Variants in SEZ6L2 observed in about 807,000 individuals in gnomAD.
The protein encoded by SEZ6L2 is seizure related 6 homolog like 2.
SEZ6L2 carries 44 observed loss-of-function variants against 97.0 expected under a neutral mutation model. The ratio of observed to expected loss-of-function variants is 0.45; its 90% CI spans 0.36 to 0.58. The LOEUF is 0.58. SEZ6L2 is among the 20% of genes least tolerant of loss of function. The pLI, the probability that SEZ6L2 is intolerant of heterozygous loss-of-function variation, is 0.00. For missense variants in SEZ6L2, 1,086 were observed against 1,233.3 expected, an observed-to-expected ratio of 0.88 and a Z score of 1.79; for synonymous variants, 543 against 546.1, an observed-to-expected ratio of 0.99 and a Z score of 0.08.
In SEZ6L2 at chr16:29,899,518, C is replaced by A; in HGVS notation, c.-499G>T. 1 of 157,040 alleles carries A rather than the reference C, an allele frequency of 6.4e-6. No homozygotes were observed. The highest frequency in any genetic ancestry group is 1.4e-5 in the Non-Finnish European group (1 of 71,382). 9.7% of individuals were successfully genotyped at this position (157,040 alleles called of 1,614,324 possible). On this transcript the variant is annotated 5_prime_UTR_variant, in exon 1 of 18. Coordinates refer to ENST00000617533, the MANE Select transcript of SEZ6L2 (RefSeq NM_001243332.2). Reference sequence around the variant, plus strand: ...TTGGGGAACTGGGAGAGCCGAAGCTCGGGCACTGGAGCTGCGGGAGGGAGA... The same window carrying A: ...TTGGGGAACTGGGAGAGCCGAAGCTAGGGCACTGGAGCTGCGGGAGGGAGA...
intron 17 of SEZ6L2, 45 bp downstream of exon 17, chr16:29,872,142 G>T: frequency 6.9e-7 from 1 of 1,447,986 alleles, no homozygotes; most frequent in Non-Finnish European, 9.4e-7. Flanking sequence ...ATGGAGTCCT[G>T]GGAGAGCCAA....
At chr16:29,884,220 G>C (rs537417429) in intron 8 of SEZ6L2, among the ~76,000 whole-genome samples, 1 of 152,258 alleles carries the variant, frequency 6.6e-6, no homozygotes, top group East Asian at 1.9e-4. Context: ...ATCTTAGTCA[G>C]GTCAATGAAC....
At chr16:29,872,045 G>GCT in intron 17 of SEZ6L2, 142 bp downstream of exon 17, 1 of 687,480 alleles carries the variant, frequency 1.5e-6, no homozygotes, top group Non-Finnish European at 2.4e-6. Context: ...TATACACATG[G>GCT]CTTGCTATGC....
chr16:29,878,516 C>CG, intron 9 of SEZ6L2, 91 bp from the exon 10 acceptor site: 1 of 1,042,788 alleles, frequency 9.6e-7, no homozygotes, highest in Non-Finnish European at 1.3e-6. Context: ...GCGTGCACCA[C>CG]ATCACCTCGC....
chr16:29,872,141 TG>T, intron 17 of SEZ6L2, 45 bp downstream of exon 17: 1 of 1,448,626 alleles, frequency 6.9e-7, no homozygotes, highest in Non-Finnish European at 9.4e-7. Flanking sequence ...TATGGAGTCC[TG>T]GGAGAGCCAA....
intron 8 of SEZ6L2, among the ~76,000 whole-genome samples, chr16:29,880,914 C>T (rs1027132110): frequency 6.6e-6 from 1 of 151,584 alleles, no homozygotes; most frequent in Non-Finnish European, 1.5e-5. Flanking sequence ...AGCATGCACA[C>T]CCCACCCAGC....
At chr16:29,882,009 C>A (rs967000835) in intron 8 of SEZ6L2, among the ~76,000 whole-genome samples, 20 of 135,536 alleles carry the variant, frequency 1.5e-4, no homozygotes, top group African/African-American at 5.6e-4. Flanking sequence ...CTCGCTCTGT[C>A]GCCCAGGCTG....
intron 8 of SEZ6L2, 106 bp from the exon 9 acceptor site, chr16:29,880,170 T>G: frequency 4.1e-6 from 1 of 242,084 alleles, no homozygotes. Context: ...CTCACTGGGC[T>G]TTTTTTTTTT....
intron 3 of SEZ6L2, 150 bp downstream of exon 3, chr16:29,896,672 A>C: frequency 1.5e-6 from 1 of 674,608 alleles, no homozygotes; most frequent in Non-Finnish European, 2.6e-6. Flanking sequence ...CCTGGTACAT[A>C]GTAAGGGTAC....
At chr16:29,889,960 G>A (rs1456260917) in intron 5 of SEZ6L2, among the ~76,000 whole-genome samples, 1 of 152,018 alleles carries the variant, frequency 6.6e-6, no homozygotes, top group Non-Finnish European at 1.5e-5. Flanking sequence ...CCAGGCTGGA[G>A]TGCATTGGCG....
intron 8 of SEZ6L2, 34 bp downstream of exon 8, chr16:29,885,552 C>A: frequency 6.3e-7 from 1 of 1,597,018 alleles, no homozygotes; most frequent in South Asian, 1.1e-5. Context: ...GAAGGTGTGG[C>A]GGTTGGGGTC....
In SEZ6L2 at chr16:29,897,040, G is replaced by T. The variant is rs759319480; in HGVS notation, c.293C>A (p.Pro98Gln). ...AVPSLPRATE[P>Q]GTGPLTTAVT... The stretch of plus-strand genomic sequence containing the variant: ...GGCTGTTGTCAGAGGCCCTGTCCCC[G>T]GCTCAGTGGCCCGTGGCAGGGAGGG... The change falls in exon 3 of 18, where the codon CCG becomes CAG. Residue 98 changes from proline (P) to glutamine (Q), a missense_variant. Physicochemically the swap from Pro to Gln is moderately conservative, Grantham distance 76. Transcript: ENST00000617533. 17 of 1,580,610 alleles carry T rather than the reference G, an allele frequency of 1.1e-5. No individual in the cohort carries two copies. Among genetic ancestry groups the T allele is most frequent in the Non-Finnish European group, 1.4e-5 (16 of 1,170,056 alleles).
intron 2 of SEZ6L2, among the ~76,000 whole-genome samples, 156 bp from the exon 3 acceptor site, chr16:29,897,277 C>G (rs1288545614): frequency 6.7e-6 from 1 of 149,010 alleles, no homozygotes; most frequent in Non-Finnish European, 1.5e-5. Context: ...CCCACCCCAG[C>G]CCCTACCTCC....
In SEZ6L2 at chr16:29,889,637, T is replaced by C. The variant is rs866201497; in HGVS notation, c.854-912A>G. ...TTCTTTTTTTTTTTTTTTTTTTTTT[T>C]TTTTTTTTGAGATAGGGTCTCACTG... On this transcript the variant is annotated intron_variant, in intron 5 of 17. Coordinates refer to ENST00000617533, the MANE Select transcript of SEZ6L2 (RefSeq NM_001243332.2). Among the ~76,000 whole-genome samples, 2,412 of 122,950 alleles carry C rather than the reference T, an allele frequency of 0.02. 413 individuals are homozygous for C. In the East Asian group the frequency reaches 0.34, roughly 17 times the overall value. 80.7% of individuals were successfully genotyped at this position (122,950 alleles called of 152,430 possible).
rs760665065 is a variant in SEZ6L2, at chr16:29,876,925, G to C, written c.1935C>G (p.Pro645=). 40 of 1,609,966 alleles carry C rather than the reference G, an allele frequency of 2.5e-5. No homozygotes were observed. The highest frequency in any genetic ancestry group is 3.2e-5 in the Non-Finnish European group (38 of 1,177,474). ...FKEVPRNDTC[P]ELPPPEWGWR... ...AGCCCCACTCCGGAGGTGGCAGCTC[G>C]GGGCACGTGTCGTTCCTCGGGACCT... The change falls in exon 12 of 18, where the codon CCC becomes CCG. Residue 645 remains proline (P), a synonymous_variant. Coordinates refer to ENST00000617533, the MANE Select transcript of SEZ6L2 (RefSeq NM_001243332.2). The surrounding 1 kb of genome is among the most constrained non-coding windows in gnomAD (Gnocchi z 6.5).
chr16:29,885,327 G>T (rs978410870), intron 8 of SEZ6L2, among the ~76,000 whole-genome samples: 1 of 152,196 alleles, frequency 6.6e-6, no homozygotes, highest in African/African-American at 2.4e-5. Flanking sequence ...AAAGAACCGA[G>T]ATACTGAGAT....
At chr16:29,883,303 T>C (rs1271458364) in intron 8 of SEZ6L2, among the ~76,000 whole-genome samples, 1 of 151,962 alleles carries the variant, frequency 6.6e-6, no homozygotes, top group Non-Finnish European at 1.5e-5. Flanking sequence ...TCTTTCCTTT[T>C]CTTTTCTTTT....
Position 29,871,353 on chromosome 16 carries a change from A to C in SEZ6L2, c.*346T>G, listed in dbSNP as rs1173473648. On this transcript the variant is annotated 3_prime_UTR_variant, in exon 18 of 18. Transcript: ENST00000617533. ...CTGGGAGGGGGGCACCTTCGTGGCC[A>C]AGGGAACAGTAGAGCTATCGGGGGC... 1.3e-5 allele frequency: 5 copies of C among 385,528 alleles called. No individual in the cohort carries two copies. Among genetic ancestry groups the C allele is most frequent in the Non-Finnish European group, 2.4e-5 (5 of 204,320 alleles). The allele number at this position is 385,528 out of a possible 1,614,324, so 23.9% of individuals were successfully genotyped here. A position where few individuals can be genotyped will look rare whatever the true frequency, so the allele number is the denominator to read the frequency against.
rs1424602911 is a variant in SEZ6L2 at position 29,887,636 on chromosome 16, C to G, written c.1208+13G>C. 1 of 1,553,598 alleles carries G rather than the reference C, an allele frequency of 6.4e-7. No individual in the cohort carries two copies. The highest frequency in any genetic ancestry group is 8.7e-7 in the Non-Finnish European group (1 of 1,146,270). On this transcript the variant is annotated intron_variant, in intron 7 of 17. Transcript: ENST00000617533. ...CAAGGTGGGGACTTCTGACCCAAGA[C>G]CCAGACCCTTACCGGTCATTGTCCT...
Sources: allele counts gnomAD v4.1 joint callset (sites outside exome capture counted in the v4.1 genomes callset), GRCh38; gene constraint gnomAD v4.1.1; non-coding constraint Gnocchi (gnomAD v3.1); transcripts MANE v1.5; gene names NCBI Gene and HGNC (gene_info 2026-07-23, HGNC 2026-07-21).